Variants in BICD1 observed in about 807,000 individuals in gnomAD.
BICD1 encodes BICD cargo adaptor 1.
A neutral mutation model predicts 92.5 loss-of-function variants in BICD1; 35 were observed. The ratio of observed to expected loss-of-function variants is 0.38; its 90% confidence interval spans 0.29 to 0.50. The LOEUF (loss-of-function observed/expected upper bound fraction) is 0.50. BICD1 is among the 20% of genes least tolerant of loss of function. The pLI is 0.93. For synonymous variants in BICD1, 429 were observed against 465.1 expected (o/e 0.92, Z 1.00); for missense variants, 950 against 1,189.8 (o/e 0.80, Z 2.97).
chr12:32,374,400 T>G (rs1381323376), intron 9 of BICD1, among the ~76,000 whole-genome samples: 9 of 151,650 alleles, frequency 5.9e-5, no homozygotes, highest in Admixed American at 1.3e-4. Flanking sequence ...ATATGTGCTG[T>G]GGAAGTCAGC....
chr12:32,110,737 A>G (rs76510903), intron 1 of BICD1, among the ~76,000 whole-genome samples: 6,072 of 150,542 alleles, frequency 0.04, 254 homozygotes, highest in African/African-American at 0.11. Context: ...TCTAAACTTA[A>G]GAGTTTTTTT....
chr12:32,325,310 G>GTAACCAGAGTGAACTGAATAACAGATACC (rs1565671632), intron 4 of BICD1, among the ~76,000 whole-genome samples: 2 of 151,892 alleles, frequency 1.3e-5, no homozygotes, highest in African/African-American at 4.8e-5. Flanking sequence ...TAACAGATAC[G>GTAACCAGAGTGAACTGAATAACAGATACC]TAGTAACCAA....
At chr12:32,351,238 C>A (rs967232716) in intron 8 of BICD1, among the ~76,000 whole-genome samples, 1 of 150,566 alleles carries the variant, frequency 6.6e-6, no homozygotes, top group Non-Finnish European at 1.5e-5. Context: ...GTAATCCCAG[C>A]ACTTTGGGAA....
chr12:32,350,874 C>T (rs1176700019), intron 8 of BICD1, among the ~76,000 whole-genome samples: 1 of 152,172 alleles, frequency 6.6e-6, no homozygotes, highest in Non-Finnish European at 1.5e-5. Context: ...TGTCCTTTGT[C>T]ACCTCTCAGC....
At chr12:32,265,031 C>T (rs190814990) in intron 2 of BICD1, among the ~76,000 whole-genome samples, 19 of 152,188 alleles carry the variant, frequency 1.2e-4, no homozygotes, top group African/African-American at 4.6e-4. Flanking sequence ...GAATTCTACT[C>T]TGCAACTTCC....
intron 3 of BICD1, among the ~76,000 whole-genome samples, chr12:32,304,947 G>T (rs1376964841): frequency 1.3e-5 from 2 of 152,140 alleles, no homozygotes; most frequent in Non-Finnish European, 2.9e-5. Flanking sequence ...ACTTGAGCCC[G>T]GGAGGTTGAG....
At chr12:32,212,483 G>A (rs1230998384) in intron 1 of BICD1, among the ~76,000 whole-genome samples, 2 of 152,170 alleles carry the variant, frequency 1.3e-5, no homozygotes, top group African/African-American at 4.8e-5. Context: ...GGAGTGCAGT[G>A]GCATGATCTC....
At chr12:32,336,712 CT>C (rs1235005973) in intron 6 of BICD1, among the ~76,000 whole-genome samples, 1 of 152,186 alleles carries the variant, frequency 6.6e-6, no homozygotes, top group Non-Finnish European at 1.5e-5. Flanking sequence ...CTGTAAGACA[CT>C]TCAGGTATAG....
At position 32,292,137 on chromosome 12, in the gene BICD1, A is replaced by G. The variant is rs113961308; in HGVS notation, c.427-1857A>G. Among the ~76,000 whole-genome samples, 13 of 152,282 alleles carry G rather than the reference A, an allele frequency of 8.5e-5. 2 individuals carry two copies. The highest frequency in any genetic ancestry group is 3.1e-4 in the African/African-American group (13 of 41,574). On this transcript the variant is annotated intron_variant, in intron 2 of 9. Transcript: ENST00000652176. Reference sequence around the variant, plus strand: ...TTCTGGAGGCCAAAAGTCAGAAATCATGGTGTCGGCAGGGCCATGCTCCCT... The same window carrying G: ...TTCTGGAGGCCAAAAGTCAGAAATCGTGGTGTCGGCAGGGCCATGCTCCCT...
intron 2 of BICD1, among the ~76,000 whole-genome samples, chr12:32,239,246 CAAAAAA>C (rs528710775): frequency 4.0e-5 from 4 of 99,278 alleles, no homozygotes; most frequent in African/African-American, 3.5e-5. Context: ...GACTCCGTCT[CAAAAAA>C]AAAAAAAAAA....
At chr12:32,107,646 CTG>C in intron 1 of BICD1, 102 bp downstream of exon 1, 3 of 1,262,178 alleles carry the variant, frequency 2.4e-6, no homozygotes, top group Admixed American at 2.0e-5. Context: ...ATTGAAAGGA[CTG>C]TTTTTTCTTC....
At chr12:32,201,565 A>G (rs908709600) in intron 1 of BICD1, among the ~76,000 whole-genome samples, 2 of 152,176 alleles carry the variant, frequency 1.3e-5, no homozygotes, top group Non-Finnish European at 2.9e-5. Flanking sequence ...TAATTGGGAA[A>G]TGTAATGTGA....
At chr12:32,371,485 CAT>C (rs1190086218) in intron 9 of BICD1, among the ~76,000 whole-genome samples, 24 of 152,166 alleles carry the variant, frequency 1.6e-4, no homozygotes, top group African/African-American at 5.3e-4. Flanking sequence ...TTTCTTTACA[CAT>C]ATTAAACATT....
At chr12:32,299,354 G>T (rs745486201) in intron 3 of BICD1, among the ~76,000 whole-genome samples, 1 of 152,134 alleles carries the variant, frequency 6.6e-6, no homozygotes, top group Non-Finnish European at 1.5e-5. Context: ...ACATGGTGCA[G>T]CCTTACAACA....
chr12:32,303,648 G>A (rs1948126871), intron 3 of BICD1, among the ~76,000 whole-genome samples: 1 of 152,184 alleles, frequency 6.6e-6, no homozygotes, highest in Non-Finnish European at 1.5e-5. Context: ...CAAATGGCAA[G>A]CCACCTGAGA....
chr12:32,247,759 C>T (rs1305354741), intron 2 of BICD1, among the ~76,000 whole-genome samples: 1 of 151,032 alleles, frequency 6.6e-6, no homozygotes, highest in East Asian at 2.0e-4. Flanking sequence ...CACCACTGCA[C>T]ACCAGCCTGG....
At chr12:32,249,141 A>G (rs1178742011) in intron 2 of BICD1, among the ~76,000 whole-genome samples, 1 of 152,190 alleles carries the variant, frequency 6.6e-6, no homozygotes, top group Non-Finnish European at 1.5e-5. Flanking sequence ...TGTGTATTAT[A>G]CAGCACCAGT....
chr12:32,168,496 T>C (rs1277213429), intron 1 of BICD1, among the ~76,000 whole-genome samples: 2 of 152,136 alleles, frequency 1.3e-5, no homozygotes, highest in Non-Finnish European at 2.9e-5. Flanking sequence ...TTGGGTGTCC[T>C]TGAGATTGAG....
chr12:32,351,251 C>T (rs541011821), intron 8 of BICD1, among the ~76,000 whole-genome samples: 3 of 150,646 alleles, frequency 2.0e-5, no homozygotes, highest in African/African-American at 7.3e-5. Flanking sequence ...TTTGGGAAGC[C>T]GAGGTGGGCG....
Sources: gnomAD v4.1 joint callset for allele counts (sites outside exome capture counted in the v4.1 genomes callset) on GRCh38, gnomAD v4.1.1 for gene constraint, MANE v1.5 for transcripts, NCBI Gene and HGNC (gene_info 2026-07-23, HGNC 2026-07-21) for gene names.